ADAM10: variants seen among roughly 807,000 people sequenced by gnomAD.
ADAM10 encodes the protein ADAM metallopeptidase domain 10.
ADAM10 carries 17 observed loss-of-function variants against 90.1 expected under a neutral mutation model. The ratio of observed to expected loss-of-function variants is 0.19; its 90% confidence interval spans 0.13 to 0.28. ADAM10 has a LOEUF of 0.28. Ranked by LOEUF, ADAM10 falls within the 10% of genes least tolerant of loss-of-function variation. The probability of loss-of-function intolerance (pLI) is 1.00; values close to 1 mark genes in which losing one functional copy is unlikely to be tolerated. For missense variants in ADAM10, 610 were observed against 914.3 expected, an observed-to-expected ratio of 0.67 and a Z score of 4.29; for synonymous variants, 310 against 298.6, an observed-to-expected ratio of 1.04 and a Z score of -0.40.
At chr15:58,674,428 C>T (rs1374157620) in intron 4 of ADAM10, among the ~76,000 whole-genome samples, 5 of 152,184 alleles carry the variant, frequency 3.3e-5, no homozygotes, top group African/African-American at 1.2e-4. Flanking sequence ...CAGTTGGCTA[C>T]ATAGTTTGTC....
chr15:58,713,740 A>G (rs1898551525), intron 2 of ADAM10, among the ~76,000 whole-genome samples: 1 of 151,984 alleles, frequency 6.6e-6, no homozygotes, highest in Non-Finnish European at 1.5e-5. Flanking sequence ...TATGGCACTG[A>G]CTCAAATGGT....
At chr15:58,652,707 T>C (rs1037950351) in intron 5 of ADAM10, among the ~76,000 whole-genome samples, 16 of 152,200 alleles carry the variant, frequency 1.1e-4, no homozygotes, top group African/African-American at 2.9e-4. Flanking sequence ...CAGGATAGCA[T>C]TGGTTATTCT....
chr15:58,679,398 A>G (rs1897368964), intron 3 of ADAM10, 116 bp from the exon 4 acceptor site: 1 of 835,896 alleles, frequency 1.2e-6, no homozygotes, highest in Non-Finnish European at 1.9e-6. Context: ...ATATATACAC[A>G]TATATATGGT....
At chr15:58,610,716 C>T in intron 13 of ADAM10, 199 bp from the exon 14 acceptor site, 1 of 669,326 alleles carries the variant, frequency 1.5e-6, no homozygotes, top group Admixed American at 2.3e-5. Flanking sequence ...AAGCAACCAG[C>T]AAGTCTTGAC....
intron 4 of ADAM10, among the ~76,000 whole-genome samples, chr15:58,666,125 C>G (rs1355816698): frequency 6.6e-6 from 1 of 151,552 alleles, no homozygotes; most frequent in Admixed American, 6.6e-5. Flanking sequence ...CAGTGAGACC[C>G]TTTAATCCAC....
chr15:58,605,539 G>A (rs1895247109), intron 14 of ADAM10, among the ~76,000 whole-genome samples: 1 of 152,094 alleles, frequency 6.6e-6, no homozygotes, highest in African/African-American at 2.4e-5. Context: ...TACTAACTAG[G>A]GTAGTAAATG....
intron 2 of ADAM10, among the ~76,000 whole-genome samples, chr15:58,684,569 G>A (rs568733412): frequency 1.3e-5 from 2 of 152,338 alleles, no homozygotes. Context: ...GAGTTGATTG[G>A]AGGGTAGTGA....
chr15:58,692,915 T>C (rs1478068581), intron 2 of ADAM10: 4 of 700,882 alleles, frequency 5.7e-6, no homozygotes, highest in South Asian at 4.1e-5. Context: ...AGATCAGCCT[T>C]GGTCATGCCA....
chr15:58,740,716 A>G (rs1365451238), intron 1 of ADAM10, among the ~76,000 whole-genome samples: 1 of 152,144 alleles, frequency 6.6e-6, no homozygotes, highest in African/African-American at 2.4e-5. Context: ...TTAACTATAC[A>G]TTAGTTTTTT....
rs887208990 is a variant in ADAM10 at position 58,589,190 on chromosome 15, G to A, written c.*8357C>T. On this transcript the variant is annotated 3_prime_UTR_variant, in exon 16 of 16. Transcript: ENST00000260408. ...CTACTATAGCCAAGCTCAAGGAAAT[G>A]GAGATTAATAAAGCCCAGTCCTGCA... 1.3e-5 allele frequency: 2 copies of A among 152,176 alleles called. No individual in the cohort carries two copies. Among genetic ancestry groups the A allele is most frequent in the Non-Finnish European group, 2.9e-5 (2 of 68,028 alleles). 9.4% of individuals were successfully genotyped at this position (152,176 alleles called of 1,614,324 possible). A position where few individuals can be genotyped will look rare whatever the true frequency, so the allele number is the denominator to read the frequency against.
chr15:58,673,804 G>C (rs1037867821), intron 4 of ADAM10, among the ~76,000 whole-genome samples: 1 of 150,878 alleles, frequency 6.6e-6, no homozygotes, highest in African/African-American at 2.4e-5. Flanking sequence ...GCATGATCTC[G>C]GCTCACTGCA....
intron 8 of ADAM10, among the ~76,000 whole-genome samples, chr15:58,639,754 CTT>C (rs1896366046): frequency 6.6e-6 from 1 of 151,926 alleles, no homozygotes; most frequent in Non-Finnish European, 1.5e-5. Context: ...AAGATACTGA[CTT>C]TTAAAAAAGG....
chr15:58,709,250 C>A (rs1898398082), intron 2 of ADAM10, among the ~76,000 whole-genome samples: 1 of 152,106 alleles, frequency 6.6e-6, no homozygotes, highest in African/African-American at 2.4e-5. Flanking sequence ...CAGAAAAATC[C>A]AAGGTTGACT....
At chr15:58,749,328 A>T (rs943305718) in intron 1 of ADAM10, 152 bp downstream of exon 1, 3 of 1,086,756 alleles carry the variant, frequency 2.8e-6, no homozygotes, top group Non-Finnish European at 2.3e-6. Context: ...GCGGGGGACA[A>T]TAGGGAGCGG....
chr15:58,674,938 C>G (rs1330410720), intron 4 of ADAM10, among the ~76,000 whole-genome samples: 1 of 152,196 alleles, frequency 6.6e-6, no homozygotes, highest in Non-Finnish European at 1.5e-5. Flanking sequence ...GCCTGTAATC[C>G]CAACACTTTG....
In ADAM10 at chr15:58,611,740, C is replaced by T. The variant is rs1325568034; in HGVS notation, c.1695+68G>A. 3.5e-6 allele frequency: 5 copies of T among 1,430,110 alleles called. No individual in the cohort carries two copies. In the East Asian group the frequency reaches 9.3e-5, roughly 27 times the overall value. The allele number at this position is 1,430,110 out of a possible 1,614,324, so 88.6% of individuals were successfully genotyped here. On this transcript the variant is annotated intron_variant, in intron 12 of 15. Coordinates refer to ENST00000260408, the MANE Select transcript of ADAM10 (RefSeq NM_001110.4). ...ATTACTTTAACTATGTAGCTTTAAG[C>T]ATCAATAATTCTTCTGAAAAACAAG...
chr15:58,678,052 A>C (rs1897335146), intron 4 of ADAM10, among the ~76,000 whole-genome samples: 1 of 152,190 alleles, frequency 6.6e-6, no homozygotes, highest in Admixed American at 6.5e-5. Context: ...TAGAGCTTGA[A>C]AAGAAAGGTA....
chr15:58,632,571 T>C (rs187935949), intron 9 of ADAM10, among the ~76,000 whole-genome samples: 1 of 152,226 alleles, frequency 6.6e-6, no homozygotes, highest in Non-Finnish European at 1.5e-5. Context: ...TGTTTACTAG[T>C]AGGCCCTTTA....
intron 1 of ADAM10, among the ~76,000 whole-genome samples, chr15:58,720,501 C>T (rs1350677852): frequency 6.6e-6 from 1 of 151,820 alleles, no homozygotes; most frequent in Non-Finnish European, 1.5e-5. Flanking sequence ...CCTGAGTTCA[C>T]GCCATTCTCC....
Sources: gnomAD v4.1 joint callset for allele counts (sites outside exome capture counted in the v4.1 genomes callset) on GRCh38, gnomAD v4.1.1 for gene constraint, MANE v1.5 for transcripts, NCBI Gene and HGNC (gene_info 2026-07-23, HGNC 2026-07-21) for gene names.